VPS45: variants seen among roughly 807,000 people sequenced by gnomAD.
VPS45 encodes the protein vacuolar protein sorting-associated protein 45.
In VPS45, 35 loss-of-function variants were observed where a neutral mutation model predicts 75.9. The observed-to-expected ratio is 0.46, with a 90% confidence interval of 0.35 to 0.61. The LOEUF (loss-of-function observed/expected upper bound fraction) is 0.61. Among genes scored for constraint, VPS45 ranks in the 20% least tolerant of loss-of-function variants. The probability of loss-of-function intolerance (pLI) is 0.00; values close to 1 mark genes in which losing one functional copy is unlikely to be tolerated. For missense variants in VPS45, 559 were observed against 685.9 expected, an observed-to-expected ratio of 0.81 and a Z score of 2.07; for synonymous variants, 220 against 238.2, an observed-to-expected ratio of 0.92 and a Z score of 0.70.
At chr1:150,125,107 TA>T (rs1553810445) in intron 14 of VPS45, among the ~76,000 whole-genome samples, 3 of 151,056 alleles carry the variant, frequency 2.0e-5, no homozygotes, top group Admixed American at 6.6e-5. Flanking sequence ...AGTTTACTTT[TA>T]TTTTTTATTT....
At chr1:150,120,065 G>A (rs945380235) in intron 14 of VPS45, among the ~76,000 whole-genome samples, 5 of 151,984 alleles carry the variant, frequency 3.3e-5, no homozygotes, top group Non-Finnish European at 7.4e-5. Context: ...CTGAGATCGC[G>A]CCATCGCACT....
Position 150,110,555 on chromosome 1 carries a change from T to C in VPS45, c.1553T>C (p.Val518Ala). 1 of 1,613,936 alleles carries C rather than the reference T, an allele frequency of 6.2e-7. No individual in the cohort carries two copies. The highest frequency in any genetic ancestry group is 8.5e-7 in the Non-Finnish European group (1 of 1,179,900). ...GCCACCTATGAAGAGGCTCTAACAG[T>C]TTATAACCTGAACCGCACCACTCCT... ...GGATYEEALTVYNLNRTTPGV... is the reference protein window; with the variant it reads ...GGATYEEALTAYNLNRTTPGV... Residue 518 changes from valine to alanine, a missense_variant, in exon 14 of 15, where the codon GTT (valine) becomes GCT (alanine). Transcript: ENST00000644510.
intron 13 of VPS45, among the ~76,000 whole-genome samples, chr1:150,096,963 G>A (rs1385884982): frequency 6.7e-6 from 1 of 149,040 alleles, no homozygotes; most frequent in Admixed American, 6.7e-5. Context: ...ATAGAGGGCT[G>A]GTTACCTAAA....
chr1:150,092,456 C>T (rs782113036), intron 12 of VPS45, 47 bp downstream of exon 12: 1 of 1,492,544 alleles, frequency 6.7e-7, no homozygotes, highest in Non-Finnish European at 9.3e-7. Context: ...CAGTTGAAGT[C>T]CTTGAGGCTG....
At chr1:150,125,127 T>A (rs2101636322) in intron 14 of VPS45, among the ~76,000 whole-genome samples, 1 of 150,844 alleles carries the variant, frequency 6.6e-6, no homozygotes, top group East Asian at 1.9e-4. Flanking sequence ...TTATTTATTT[T>A]TTTGCTTTTT....
intron 13 of VPS45, chr1:150,109,136 A>G (rs201205975): frequency 6.6e-6 from 1 of 152,108 alleles, no homozygotes; most frequent in East Asian, 1.9e-4. Context: ...GATTCAAGCA[A>G]TTCTCCTGCC....
At chr1:150,123,389 T>TA (rs1658338973) in intron 14 of VPS45, among the ~76,000 whole-genome samples, 1 of 152,322 alleles carries the variant, frequency 6.6e-6, no homozygotes, top group East Asian at 1.9e-4. Context: ...ACACCTGACT[T>TA]ACGTTTTAGG....
chr1:150,073,338 C>T (rs782309074), intron 3 of VPS45, among the ~76,000 whole-genome samples: 4 of 152,226 alleles, frequency 2.6e-5, no homozygotes, highest in African/African-American at 9.6e-5. Context: ...ATACTTTCTT[C>T]AGCGTATACT....
At chr1:150,075,343 T>A (rs1193227143) in intron 3 of VPS45, among the ~76,000 whole-genome samples, 2 of 152,086 alleles carry the variant, frequency 1.3e-5, no homozygotes, top group African/African-American at 2.4e-5. Flanking sequence ...CAGGGGGTAG[T>A]TTAACATGTT....
At chr1:150,124,771 C>T (rs1221571940) in intron 14 of VPS45, among the ~76,000 whole-genome samples, 2 of 149,262 alleles carry the variant, frequency 1.3e-5, no homozygotes, top group Admixed American at 1.3e-4. Flanking sequence ...GTTGGCCAGG[C>T]TGGTTTTGAA....
intron 13 of VPS45, among the ~76,000 whole-genome samples, chr1:150,107,244 G>T (rs1321315841): frequency 6.6e-6 from 1 of 151,982 alleles, no homozygotes; most frequent in Non-Finnish European, 1.5e-5. Context: ...ATGTCTAGTG[G>T]GCATCTCCAT....
chr1:150,126,044 T>C (rs767978366), intron 14 of VPS45, among the ~76,000 whole-genome samples: 21 of 151,856 alleles, frequency 1.4e-4, no homozygotes, highest in Non-Finnish European at 2.5e-4. Context: ...CTGATAAAAC[T>C]TGGTCCCCAT....
chr1:150,135,390 A>G (rs147077940), intron 14 of VPS45, among the ~76,000 whole-genome samples: 122 of 151,366 alleles, frequency 8.1e-4, no homozygotes, highest in African/African-American at 2.2e-4. Context: ...AGCCTCCCCA[A>G]TAGCTGGGAT....
chr1:150,098,957 T>G (rs782376665), intron 13 of VPS45: 4 of 1,167,340 alleles, frequency 3.4e-6, no homozygotes, highest in Non-Finnish European at 4.3e-6. Context: ...GGAAGTACTT[T>G]TCATGTTTAT....
chr1:150,142,283 CATTT>C (rs1235820530), intron 14 of VPS45, among the ~76,000 whole-genome samples: 1 of 152,080 alleles, frequency 6.6e-6, no homozygotes, highest in Non-Finnish European at 1.5e-5. Context: ...CTTCCCAGCA[CATTT>C]ATTTCATTCT....
rs62622370 is a variant in VPS45, at chr1:150,072,183, T to G, written c.246T>G (p.Ile82Met). The change falls in exon 3 of 15, where the codon ATT becomes ATG. Residue 82 changes from isoleucine (I) to methionine (M), a missense_variant. By Grantham distance (10) the Ile-to-Met change is conservative. Transcript: ENST00000644510. ...LRPTKENVDY[I>M]IQELRRPKYT... The stretch of plus-strand genomic sequence containing the variant: ...TTTTCTAGGAGAATGTGGATTATAT[T>G]ATTCAGGAGCTCCGAAGACCCAAAT... 12,658 of 1,608,100 alleles carry G rather than the reference T, an allele frequency of 7.9e-3. 520 individuals carry two copies. The African/African-American group carries it at 0.11, about 14-fold the overall frequency.
intron 1 of VPS45, 153 bp downstream of exon 1, chr1:150,068,103 C>T: frequency 2.6e-6 from 2 of 761,890 alleles, no homozygotes; most frequent in Non-Finnish European, 2.1e-6. Flanking sequence ...AAAGCTTGCC[C>T]GGTGGGTTTT....
rs1049568818 is a variant in VPS45 at position 150,067,795 on chromosome 1, G to C, written c.-63G>C. ...GCAGCTGAGACCCGGCCAACAGACT[G>C]GGGGTTAATTTAGCCAGAAAAGGGG... On this transcript the variant is annotated 5_prime_UTR_variant, in exon 1 of 15. Transcript: ENST00000644510. The C allele has an allele frequency of 2.6e-6, 4 of 1,540,694 alleles. No homozygotes were observed. In the Admixed American group the frequency reaches 5.1e-5, roughly 20 times the overall value.
At chr1:150,083,506 G>C (rs1186263757) in intron 10 of VPS45, among the ~76,000 whole-genome samples, 1 of 151,880 alleles carries the variant, frequency 6.6e-6, no homozygotes, top group Non-Finnish European at 1.5e-5. Flanking sequence ...ATTTACAAAG[G>C]AATATGGAAA....
Sources: allele counts gnomAD v4.1 joint callset (sites outside exome capture counted in the v4.1 genomes callset), GRCh38; gene constraint gnomAD v4.1.1; transcripts MANE v1.5; gene names NCBI Gene and HGNC (gene_info 2026-07-23, HGNC 2026-07-21).